Variants in ADAP1 observed in about 807,000 individuals in gnomAD.
ADAP1 encodes ArfGAP with dual PH domains 1, also known as arf-GAP with dual PH domain-containing protein 1.
ADAP1 carries 31 observed loss-of-function variants against 54.9 expected under a neutral mutation model. The ratio of observed to expected loss-of-function variants is 0.56; its 90% CI spans 0.42 to 0.76. The LOEUF (loss-of-function observed/expected upper bound fraction) is 0.76, where lower values mean the gene tolerates loss of function less well. ADAP1 is among the 30% of genes least tolerant of loss of function. The probability of loss-of-function intolerance (pLI) is 0.00; values close to 1 mark genes in which losing one functional copy is unlikely to be tolerated. For synonymous variants in ADAP1, 313 were observed against 202.6 expected, an observed-to-expected ratio of 1.55 and a Z score of -4.63; for missense variants, 535 against 512.4, an observed-to-expected ratio of 1.04 and a Z score of -0.42.
chr7:904,289 T>C lies in ADAP1; in HGVS notation c.502-17A>G. On this transcript the variant is annotated splice_polypyrimidine_tract_variant and intron_variant, in intron 5 of 10. Transcript: ENST00000265846. Reference sequence around the variant, plus strand: ...CTCCTTGGCCTGAGAAGGGGTGGGGTCTAAGCACCTCACAGGGGCCGTCGT... The same window carrying C: ...CTCCTTGGCCTGAGAAGGGGTGGGGCCTAAGCACCTCACAGGGGCCGTCGT... 1 of 1,560,418 alleles carries C rather than the reference T, an allele frequency of 6.4e-7. No individual in the cohort carries two copies. The highest frequency in any genetic ancestry group is 8.7e-7 in the Non-Finnish European group (1 of 1,152,012).
Position 920,308 on chromosome 7 carries a change from C to T in ADAP1, c.306-258G>A, listed in dbSNP as rs961570401. Among the ~76,000 whole-genome samples the T allele has an allele frequency of 6.6e-6, 1 of 152,172 alleles. No homozygotes were observed. Among genetic ancestry groups the T allele is most frequent in the African/African-American group, 2.4e-5 (1 of 41,428 alleles). ...CATCAGGCCTCACGTTCTGCACAAG[C>T]GTTCCCGGTGGACGGGCTGGTGCCT... On this transcript the variant is annotated intron_variant, in intron 3 of 10. Coordinates refer to ENST00000265846, the MANE Select transcript of ADAP1 (RefSeq NM_006869.4). This position sits in a 1 kb window ranked among gnomAD's most constrained non-coding sequence, Gnocchi z 4.5.
chr7:902,475 A>AAATGCCTGGGCGTGGTGGTGCGC (rs1491159593), intron 6 of ADAP1, among the ~76,000 whole-genome samples: 146 of 142,282 alleles, frequency 1.0e-3, no homozygotes, highest in East Asian at 2.1e-3. Context: ...AAAAAAAGAA[A>AAATGCCTGGGCGTGGTGGTGCGC]GAAAAGAAAG....
At chr7:955,065 A>G (rs1425289293), upstream of ADAP1, among the ~76,000 whole-genome samples, 1 of 152,110 alleles carries the variant, frequency 6.6e-6, no homozygotes, top group Non-Finnish European at 1.5e-5. Context: ...CAGGGCGCTC[A>G]CACCATCCCT....
rs1847341245 is a variant in ADAP1, at chr7:954,502, A to G, written c.-25T>C. 5 of 1,013,952 alleles carry G rather than the reference A, an allele frequency of 4.9e-6. No individual in the cohort carries two copies. The highest frequency in any genetic ancestry group is 1.7e-5 in the African/African-American group (1 of 57,216). The allele number at this position is 1,013,952 out of a possible 1,614,324, so 62.8% of individuals were successfully genotyped here. On this transcript the variant is annotated 5_prime_UTR_variant, in exon 1 of 11. Transcript: ENST00000265846. The stretch of plus-strand genomic sequence containing the variant: ...TGGCCGCGATGCGCCCGCGATGCCG[A>G]TGCCGGGGCCGGGGCCGGGAGCGTC...
At chr7:935,551 C>T (rs1268924544) in intron 1 of ADAP1, 46 bp from the exon 2 acceptor site, 4 of 1,548,536 alleles carry the variant, frequency 2.6e-6, no homozygotes, top group African/African-American at 1.4e-5. Context: ...CCCAGGGACC[C>T]CGGAGGGAGG....
rs545951313 is a variant in ADAP1, at chr7:898,450, C to T, written c.*471G>A. On this transcript the variant is annotated 3_prime_UTR_variant, in exon 11 of 11. Transcript: ENST00000265846. ...TCATAGCCCCGTGACACACAACAGGCGCTCAATAAATAGTCGTGGAGGTGG... is the reference window on the plus strand; with the variant it reads ...TCATAGCCCCGTGACACACAACAGGTGCTCAATAAATAGTCGTGGAGGTGG... 32 of 229,684 alleles carry T rather than the reference C, an allele frequency of 1.4e-4. No homozygotes were observed. Among genetic ancestry groups the T allele is most frequent in the South Asian group, 7.4e-4 (12 of 16,246 alleles). 14.2% of individuals were successfully genotyped at this position (229,684 alleles called of 1,614,324 possible).
rs573651108 is a variant in ADAP1 at position 899,344 on chromosome 7, G to C, written c.867+75C>G. ...CAGGCCAGGACTCGGGAGGCCACCC[G>C]CCCTCCTGGTCACGCATCTGGCAAC... On this transcript the variant is annotated intron_variant, in intron 9 of 10. Coordinates refer to ENST00000265846, the MANE Select transcript of ADAP1 (RefSeq NM_006869.4). The C allele has an allele frequency of 1.3e-5, 21 of 1,604,124 alleles. No individual in the cohort carries two copies. In the East Asian group the frequency reaches 1.8e-4, roughly 14 times the overall value.
intron 2 of ADAP1, among the ~76,000 whole-genome samples, chr7:934,308 A>G (rs71518356): frequency 0.18 from 7,813 of 43,862 alleles, 546 homozygotes; most frequent in South Asian, 0.37. Flanking sequence ...GAGAGCCGGG[A>G]GCCGGGGTCA....
chr7:903,052 C>G (rs1181635387), intron 6 of ADAP1, among the ~76,000 whole-genome samples: 2 of 152,158 alleles, frequency 1.3e-5, no homozygotes, highest in South Asian at 4.1e-4. Flanking sequence ...CACCCAGGAA[C>G]CAGATGAGGC....
intron 4 of ADAP1, among the ~76,000 whole-genome samples, chr7:919,465 C>T (rs1339406876): frequency 1.3e-5 from 2 of 151,488 alleles, no homozygotes; most frequent in Non-Finnish European, 1.5e-5. Context: ...GGTCCGGGGA[C>T]GCGGGTTCAA....
At chr7:927,332 C>A in intron 2 of ADAP1, 2 of 1,007,142 alleles carry the variant, frequency 2.0e-6, no homozygotes, top group South Asian at 3.0e-5. Flanking sequence ...TGAGGGTGGA[C>A]GCTGGCAATG....
At chr7:931,009 G>C (rs1487498731) in intron 2 of ADAP1, among the ~76,000 whole-genome samples, 2 of 149,628 alleles carry the variant, frequency 1.3e-5, no homozygotes, top group Admixed American at 1.3e-4. Context: ...AAGGAAGGAA[G>C]GAAGGAGGGT....
In ADAP1 at chr7:945,236, T is replaced by C. The variant is rs1279657202; in HGVS notation, c.82+9160A>G. Among the ~76,000 whole-genome samples, 4 of 152,172 alleles carry C rather than the reference T, an allele frequency of 2.6e-5. No individual in the cohort carries two copies. Among genetic ancestry groups the C allele is most frequent in the Non-Finnish European group, 5.9e-5 (4 of 68,030 alleles). ...CTGGGCATGGCCAGGCCTGCCTGCA[T>C]CCGCAAATGCCCGCAGCCCATCGGA... On this transcript the variant is annotated intron_variant, in intron 1 of 10. Transcript: ENST00000265846. The surrounding 1 kb of genome is among the most constrained non-coding windows in gnomAD (Gnocchi z 4.2).
At chr7:902,243 G>A (rs1382790510) in intron 6 of ADAP1, among the ~76,000 whole-genome samples, 1 of 150,140 alleles carries the variant, frequency 6.7e-6, no homozygotes, top group African/African-American at 2.5e-5. Flanking sequence ...TGGATCACCT[G>A]AGGTCGGGAG....
At chr7:953,204 T>A (rs904757330) in intron 1 of ADAP1, among the ~76,000 whole-genome samples, 2 of 152,164 alleles carry the variant, frequency 1.3e-5, no homozygotes, top group Non-Finnish European at 2.9e-5. Flanking sequence ...CACCGCACCA[T>A]TGCACGGGCC....
rs775361545 is a variant in ADAP1, at chr7:905,138, C to G, written c.423G>C (p.Arg141=). The change falls in exon 5 of 11, where the codon CGG becomes CGC. Residue 141 remains arginine (R), a synonymous_variant. Transcript: ENST00000265846. The part of the protein sequence containing the change: ...YREGFLWKRG[R]DNGQFLSRKF... Reference sequence around the variant, plus strand: ...TCCGGCTCAAAAACTGCCCGTTGTCCCGGCCACGCTTCCAGAGAAAACCCT... The same window carrying G: ...TCCGGCTCAAAAACTGCCCGTTGTCGCGGCCACGCTTCCAGAGAAAACCCT... 3.1e-6 allele frequency: 5 copies of G among 1,612,168 alleles called. No individual in the cohort carries two copies. In the African/African-American group the frequency reaches 4.0e-5, roughly 13 times the overall value.
intron 3 of ADAP1, among the ~76,000 whole-genome samples, chr7:922,537 A>C (rs1341786642): frequency 3.3e-5 from 5 of 152,112 alleles, no homozygotes; most frequent in Non-Finnish European, 5.9e-5. Context: ...TCCAGTGGCC[A>C]CTGTGACCCC....
At chr7:907,330 G>C (rs748063250) in intron 4 of ADAP1, among the ~76,000 whole-genome samples, 112 of 152,266 alleles carry the variant, frequency 7.4e-4, no homozygotes, top group Non-Finnish European at 1.3e-3. Context: ...ATGAGGACAG[G>C]AGGGAAGGGG....
At chr7:934,592 C>T (rs1156556393) in intron 2 of ADAP1, among the ~76,000 whole-genome samples, 1 of 152,094 alleles carries the variant, frequency 6.6e-6, no homozygotes, top group Non-Finnish European at 1.5e-5. Flanking sequence ...GGGTGACCCT[C>T]CCACCGGGTC....
Sources: allele counts gnomAD v4.1 joint callset (sites outside exome capture counted in the v4.1 genomes callset), GRCh38; gene constraint gnomAD v4.1.1; non-coding constraint Gnocchi (gnomAD v3.1); transcripts MANE v1.5; gene names NCBI Gene and HGNC (gene_info 2026-07-23, HGNC 2026-07-21).